Variants in STARD7 observed in about 807,000 individuals in gnomAD.
STARD7 encodes the protein StAR related lipid transfer domain containing 7.
STARD7 carries 30 observed loss-of-function variants against 45.3 expected under a neutral mutation model. The observed-to-expected ratio is 0.66, with a 90% CI of 0.50 to 0.90. The LOEUF (loss-of-function observed/expected upper bound fraction) is 0.90, where lower values mean the gene tolerates loss of function less well. STARD7 is among the 40% of genes least tolerant of loss of function. STARD7 has a pLI of 0.00. For synonymous variants in STARD7, 199 were observed against 183.0 expected, an observed-to-expected ratio of 1.09 and a Z score of -0.70; for missense variants, 495 against 491.3, an observed-to-expected ratio of 1.01 and a Z score of -0.07.
chr2:96,207,004 T>C (rs922727509), intron 1 of STARD7, among the ~76,000 whole-genome samples: 1 of 152,234 alleles, frequency 6.6e-6, no homozygotes, highest in East Asian at 1.9e-4. Flanking sequence ...CACGCTTTGA[T>C]AGCTTAACTT....
chr2:96,208,105 C>A (rs375015512), intron 1 of STARD7, 40 bp downstream of exon 1: 70 of 1,496,336 alleles, frequency 4.7e-5, no homozygotes, highest in Non-Finnish European at 6.1e-5. Flanking sequence ...CACAAGCCCC[C>A]CCACCCCACG....
At chr2:96,188,568 C>T (rs1171453132) in intron 6 of STARD7, among the ~76,000 whole-genome samples, 2 of 151,430 alleles carry the variant, frequency 1.3e-5, no homozygotes, top group Admixed American at 6.6e-5. Context: ...TGCCACTGCA[C>T]CCAGCCAAGA....
At chr2:96,198,239 C>CAGGAGG (rs776641420) in intron 1 of STARD7, among the ~76,000 whole-genome samples, 10 of 151,698 alleles carry the variant, frequency 6.6e-5, no homozygotes, top group African/African-American at 9.7e-5. Flanking sequence ...AGGAGAATTG[C>CAGGAGG]TTGAACCCAG....
intron 6 of STARD7, 118 bp downstream of exon 6, chr2:96,192,251 C>T (rs1683135966): frequency 6.1e-6 from 5 of 818,178 alleles, no homozygotes; most frequent in Admixed American, 1.9e-5. Flanking sequence ...TAGCATCAGA[C>T]TCCCCCGAGC....
At chr2:96,197,083 A>ACGC (rs1424189805) in intron 1 of STARD7, among the ~76,000 whole-genome samples, 1 of 139,116 alleles carries the variant, frequency 7.2e-6, no homozygotes, top group Admixed American at 7.2e-5. Flanking sequence ...AAATAAAATA[A>ACGC]AATAAAATAA....
intron 6 of STARD7, 175 bp from the exon 7 acceptor site, chr2:96,187,476 G>C (rs1683054837): frequency 1.7e-5 from 9 of 535,682 alleles, no homozygotes; most frequent in Non-Finnish European, 2.7e-5. Flanking sequence ...TCTATAGAAA[G>C]GTCTCCTTGC....
chr2:96,190,251 A>C (rs1031890887), intron 6 of STARD7, among the ~76,000 whole-genome samples: 11 of 152,214 alleles, frequency 7.2e-5, no homozygotes, highest in Non-Finnish European at 1.3e-4. Flanking sequence ...GCCAACAAGA[A>C]GACTCCCAAT....
chr2:96,188,921 CA>C (rs111237898), intron 6 of STARD7, among the ~76,000 whole-genome samples: 2 of 150,656 alleles, frequency 1.3e-5, no homozygotes, highest in African/African-American at 4.9e-5. Context: ...CAAACAAAAA[CA>C]AAAAAACAAA....
At chr2:96,204,170 G>C (rs1045696641) in intron 1 of STARD7, among the ~76,000 whole-genome samples, 2 of 152,116 alleles carry the variant, frequency 1.3e-5, no homozygotes, top group Non-Finnish European at 2.9e-5. Flanking sequence ...TGAGGCACGA[G>C]AATAGCTGGA....
chr2:96,198,508 T>G (rs1236448745), intron 1 of STARD7, among the ~76,000 whole-genome samples: 33 of 152,158 alleles, frequency 2.2e-4, no homozygotes, highest in Admixed American at 2.2e-3. Context: ...ATCAGCAATG[T>G]TTGAGGATTC....
rs1558735792 is a variant in STARD7 at position 96,197,078 on chromosome 2, A to ACAT, written c.291-1530_291-1529insATG. 7.3e-5 allele frequency among the ~76,000 whole-genome samples: 10 copies of ACAT among 136,158 alleles called. No homozygotes were observed. In the East Asian group the frequency reaches 1.8e-3, roughly 24 times the overall value. 89.3% of individuals were successfully genotyped at this position (136,158 alleles called of 152,430 possible). On this transcript the variant is annotated intron_variant, in intron 1 of 7. Coordinates refer to ENST00000337288, the MANE Select transcript of STARD7 (RefSeq NM_020151.4). ...CGAAACTCCGTCTCAAAATAAAATA[A>ACAT]AATAAAATAAAATAAAATAAAATAA...
intron 6 of STARD7, among the ~76,000 whole-genome samples, chr2:96,188,937 A>C (rs765231470): frequency 8.6e-5 from 13 of 151,552 alleles, no homozygotes; most frequent in Admixed American, 6.6e-5. Context: ...AACAAAAAAA[A>C]CACTTTGGGT....
chr2:96,201,364 C>A lies in STARD7; in HGVS notation c.291-5815G>T, dbSNP rs562454008. 6.8e-4 allele frequency among the ~76,000 whole-genome samples: 101 copies of A among 148,992 alleles called. 1 individual carries two copies. The highest frequency in any genetic ancestry group is 2.4e-3 in the African/African-American group (97 of 40,360). ...GCTAAGGTGAGCAGATCACTTGAGCCCAGGACTTCAAGACCAGCCTGGGCA... is the reference window on the plus strand; with the variant it reads ...GCTAAGGTGAGCAGATCACTTGAGCACAGGACTTCAAGACCAGCCTGGGCA... On this transcript the variant is annotated intron_variant, in intron 1 of 7. Coordinates refer to ENST00000337288, the MANE Select transcript of STARD7 (RefSeq NM_020151.4).
chr2:96,197,115 ATAAAAT>A (rs1683232700), intron 1 of STARD7, among the ~76,000 whole-genome samples: 2 of 141,304 alleles, frequency 1.4e-5, no homozygotes, highest in Admixed American at 1.5e-4. Context: ...ATAAAATAAA[ATAAAAT>A]AAAGCCAAGC....
intron 1 of STARD7, among the ~76,000 whole-genome samples, chr2:96,201,179 T>A (rs532181654): frequency 6.6e-6 from 1 of 151,320 alleles, no homozygotes; most frequent in Non-Finnish European, 1.5e-5. Context: ...CTGGTAAACA[T>A]TACATGTCCT....
chr2:96,207,154 T>C (rs983066942), intron 1 of STARD7, among the ~76,000 whole-genome samples: 1 of 152,266 alleles, frequency 6.6e-6, no homozygotes, highest in South Asian at 2.1e-4. Context: ...AATAGCTGCC[T>C]GGCATCTGGG....
At chr2:96,207,294 G>T (rs927665585) in intron 1 of STARD7, among the ~76,000 whole-genome samples, 3 of 152,212 alleles carry the variant, frequency 2.0e-5, no homozygotes, top group Non-Finnish European at 4.4e-5. Flanking sequence ...GGCGAGTGTG[G>T]AATCTGCGGA....
rs1683027684 is a variant in STARD7 at position 96,185,871 on chromosome 2, T to C, written c.*859A>G. The C allele has an allele frequency of 6.6e-6, 1 of 152,214 alleles. No homozygotes were observed. The highest frequency in any genetic ancestry group is 6.5e-5 in the Admixed American group (1 of 15,276). 9.4% of individuals were successfully genotyped at this position (152,214 alleles called of 1,614,324 possible). A position where few individuals can be genotyped will look rare whatever the true frequency, so the allele number is the denominator to read the frequency against. On this transcript the variant is annotated 3_prime_UTR_variant, in exon 8 of 8. Transcript: ENST00000337288. ...CTATTTGACACAAAAGTTAAAAAAT[T>C]TTTAAACTAAATTTAAATGTGATGT...
In STARD7 at chr2:96,208,232, C is replaced by T. The variant is rs756123503; in HGVS notation, c.203G>A (p.Arg68His). ...CATCAAGGCAGAGGCATGGCCAGGACGGCCGTGCAGCCGGCGCCAGAGGCG... is the reference window on the plus strand; with the variant it reads ...CATCAAGGCAGAGGCATGGCCAGGATGGCCGTGCAGCCGGCGCCAGAGGCG... Reference protein sequence around the residue: ...LGRLWRRLHGRPGHASALMAA... With the variant: ...LGRLWRRLHGHPGHASALMAA... Residue 68 changes from arginine (R) to histidine (H), a missense_variant, in exon 1 of 8, where the codon CGT (arginine) becomes CAT (histidine). Around this residue, in one of 2 missense-constraint regions of STARD7, gnomAD observed 282 missense variants for 220.1 expected, o/e 1.28. Coordinates refer to ENST00000337288, the MANE Select transcript of STARD7 (RefSeq NM_020151.4). The T allele has an allele frequency of 1.2e-5, 20 of 1,612,348 alleles. No individual in the cohort carries two copies. The highest frequency in any genetic ancestry group is 1.7e-5 in the Non-Finnish European group (20 of 1,179,642).
Sources: gnomAD v4.1 joint callset for allele counts (sites outside exome capture counted in the v4.1 genomes callset) on GRCh38, gnomAD v4.1.1 for gene constraint, gnomAD v4.1.1 regional missense constraint, MANE v1.5 for transcripts, NCBI Gene and HGNC (gene_info 2026-07-23, HGNC 2026-07-21) for gene names.